OR3A3: variants seen among roughly 807,000 people sequenced by gnomAD.
OR3A3 encodes the protein olfactory receptor family 3 subfamily A member 3.
For missense variants in OR3A3, 275 were observed against 391.4 expected, an observed-to-expected ratio of 0.70 and a Z score of 2.51; for synonymous variants, 103 against 163.9, an observed-to-expected ratio of 0.63 and a Z score of 2.84.
At chr17:3,417,900 G>T (rs1486099310) in intron 2 of OR3A3, among the ~76,000 whole-genome samples, 2 of 152,144 alleles carry the variant, frequency 1.3e-5, no homozygotes. Flanking sequence ...GGTACATGTT[G>T]TGACTTTTCA....
exon 3 of OR3A3, chr17:3,421,749 G>A (rs2072436931): frequency 2.0e-6 from 1 of 493,220 alleles, no homozygotes; most frequent in South Asian, 4.7e-5. Context: ...ATCTTCTAGG[G>A]CATTGGTGAG....
chr17:3,413,412 C>G (rs1240681652), intron 2 of OR3A3, among the ~76,000 whole-genome samples: 1 of 152,198 alleles, frequency 6.6e-6, no homozygotes, highest in African/African-American at 2.4e-5. Flanking sequence ...AGAGCTGTTA[C>G]CTACCCACTG....
chr17:3,418,502 C>T (rs2072405742), intron 2 of OR3A3, among the ~76,000 whole-genome samples: 1 of 152,214 alleles, frequency 6.6e-6, no homozygotes, highest in Non-Finnish European at 1.5e-5. Context: ...CTCATTCAGT[C>T]CTGTCTCCTC....
chr17:3,415,301 G>A (rs1054149589), intron 2 of OR3A3, among the ~76,000 whole-genome samples: 1 of 151,266 alleles, frequency 6.6e-6, no homozygotes, highest in Non-Finnish European at 1.5e-5. Context: ...TGGCTCACAC[G>A]TGTAATCCCA....
At chr17:3,420,349 T>C (rs1427052656) in intron 2 of OR3A3, among the ~76,000 whole-genome samples, 2 of 152,194 alleles carry the variant, frequency 1.3e-5, no homozygotes, top group African/African-American at 4.8e-5. Flanking sequence ...AGATCTTTTA[T>C]CTTAGCTTAT....
chr17:3,413,180 G>A (rs1484433178), intron 2 of OR3A3, among the ~76,000 whole-genome samples: 3 of 152,164 alleles, frequency 2.0e-5, no homozygotes, highest in Admixed American at 2.0e-4. Flanking sequence ...TAATATGTGT[G>A]GGAGTTTAGG....
In OR3A3 at chr17:3,417,971, C is replaced by T. The variant is rs149540921; in HGVS notation, c.-6-2609C>T. On this transcript the variant is annotated intron_variant, in intron 2 of 2. Transcript: ENST00000641141. ...GTTTTATTTTGTCTAATTGTTTGTT[C>T]CTCCATGCTCATTTTTTACCTGAGT... Among the ~76,000 whole-genome samples, 187 of 152,210 alleles carry T rather than the reference C, an allele frequency of 1.2e-3. 2 individuals are homozygous for T. In the Middle Eastern group the frequency reaches 0.017, roughly 14 times the overall value.
intron 2 of OR3A3, among the ~76,000 whole-genome samples, chr17:3,415,453 C>T (rs924840350): frequency 9.4e-5 from 14 of 148,882 alleles, no homozygotes; most frequent in Admixed American, 2.7e-4. Context: ...CCCAGCTACT[C>T]GGGAGGATGA....
chr17:3,423,971 G>C (rs1004640096), exon 3 of OR3A3: 4 of 133,342 alleles, frequency 3.0e-5, no homozygotes, highest in East Asian at 4.2e-4. Context: ...AAAAAAAAAA[G>C]AACTTGGTGT....
intron 2 of OR3A3, among the ~76,000 whole-genome samples, chr17:3,416,661 T>A (rs1367385619): frequency 6.6e-6 from 1 of 152,100 alleles, no homozygotes; most frequent in Non-Finnish European, 1.5e-5. Context: ...AGAAAACTTT[T>A]ATAACTTGGA....
At chr17:3,414,756 C>T (rs230437) in intron 2 of OR3A3, among the ~76,000 whole-genome samples, 41,128 of 151,958 alleles carry the variant, frequency 0.27, 5,976 homozygotes, top group South Asian at 0.46. Flanking sequence ...CCTGGGAGAG[C>T]TGCTGTCTAC....
At chr17:3,414,691 G>A (rs1057245650) in intron 2 of OR3A3, among the ~76,000 whole-genome samples, 2 of 152,088 alleles carry the variant, frequency 1.3e-5, no homozygotes, top group African/African-American at 4.8e-5. Flanking sequence ...TTACTGGCAA[G>A]CCAGGAGATA....
At chr17:3,415,210 G>C (rs953425117) in intron 2 of OR3A3, among the ~76,000 whole-genome samples, 2 of 150,864 alleles carry the variant, frequency 1.3e-5, no homozygotes, top group African/African-American at 4.9e-5. Context: ...ACATATTATC[G>C]TATATTATTT....
exon 3 of OR3A3, chr17:3,420,666 G>A (rs758369133): frequency 1.3e-6 from 2 of 1,534,884 alleles, no homozygotes; most frequent in Non-Finnish European, 8.8e-7. Flanking sequence ...AAGAGATGCA[G>A]CCAGTTGTCT....
intron 2 of OR3A3, among the ~76,000 whole-genome samples, chr17:3,414,743 T>C (rs1936280516): frequency 6.6e-6 from 1 of 152,064 alleles, no homozygotes; most frequent in South Asian, 2.1e-4. Flanking sequence ...GGAAGTAAAA[T>C]AGCCTGGGAG....
exon 3 of OR3A3, chr17:3,421,249 G>A: frequency 1.2e-6 from 2 of 1,614,190 alleles, no homozygotes; most frequent in Non-Finnish European, 1.7e-6. Context: ...TGTGTCCTAT[G>A]CCCATGTGGT....
intron 2 of OR3A3, among the ~76,000 whole-genome samples, chr17:3,414,750 G>A (rs1183801765): frequency 6.6e-6 from 1 of 152,038 alleles, no homozygotes; most frequent in Non-Finnish European, 1.5e-5. Context: ...AAATAGCCTG[G>A]GAGAGCTGCT....
exon 3 of OR3A3, chr17:3,421,248 T>C (rs768733577): frequency 6.2e-7 from 1 of 1,614,078 alleles, no homozygotes; most frequent in African/African-American, 1.3e-5. Flanking sequence ...GTGTGTCCTA[T>C]GCCCATGTGG....
At chr17:3,421,769 C>A in exon 3 of OR3A3, 1 of 438,224 alleles carries the variant, frequency 2.3e-6, no homozygotes, top group Non-Finnish European at 3.9e-6. Flanking sequence ...GCAAAATGGA[C>A]AAAAGTCTCT....
Sources: gnomAD v4.1 joint callset for allele counts (sites outside exome capture counted in the v4.1 genomes callset) on GRCh38, gnomAD v4.1.1 for gene constraint, MANE v1.5 for transcripts, NCBI Gene and HGNC (gene_info 2026-07-23, HGNC 2026-07-21) for gene names.